MIER1: variants seen among roughly 807,000 people sequenced by gnomAD.
The protein encoded by MIER1 is mesoderm induction early response protein 1.
Under a neutral mutation model 75.7 loss-of-function variants are expected in MIER1, and 40 were observed. The observed-to-expected ratio is 0.53, with a 90% CI of 0.41 to 0.69. MIER1 has a LOEUF of 0.69. Ranked by LOEUF, MIER1 falls within the 30% of genes least tolerant of loss-of-function variation. The pLI, the probability that MIER1 is intolerant of heterozygous loss-of-function variation, is 0.00. For synonymous variants in MIER1, 213 were observed against 223.4 expected (o/e 0.95, Z 0.42); for missense variants, 574 against 680.2 (o/e 0.84, Z 1.74).
intron 8 of MIER1, 103 bp from the exon 9 acceptor site, chr1:66,970,705 A>T: frequency 1.3e-6 from 1 of 798,444 alleles, no homozygotes; most frequent in Non-Finnish European, 1.9e-6. Flanking sequence ...ACTGTACCTC[A>T]GTTCTCAACA....
intron 2 of MIER1, among the ~76,000 whole-genome samples, chr1:66,939,664 A>G (rs1373977109): frequency 6.6e-6 from 1 of 152,108 alleles, no homozygotes; most frequent in Non-Finnish European, 1.5e-5. Context: ...AACTTTGTTC[A>G]TAGTTCTGTG....
At chr1:66,966,545 A>G (rs1662448037) in intron 8 of MIER1, among the ~76,000 whole-genome samples, 1 of 152,220 alleles carries the variant, frequency 6.6e-6, no homozygotes, top group Admixed American at 6.5e-5. Context: ...CTTTGGGTAT[A>G]TGCCCAATAA....
At position 66,958,218 on chromosome 1, in the gene MIER1, AAAGT is replaced by A; in HGVS notation, c.501+3_501+6del. On this transcript the variant is annotated splice_donor_variant and coding_sequence_variant, in exon 5 of 14. Coordinates refer to ENST00000401041, the MANE Select transcript of MIER1 (RefSeq NM_001077700.3). LOFTEE classifies it high-confidence loss of function. ...CAACAGTGGCTGTAGTGGGGAAAAT[AAAGT>A]AAGTCTATATACATATATTTAAGAT... is the stretch of plus-strand genomic sequence containing the variant. 6.3e-7 allele frequency: 1 copy of A among 1,597,622 alleles called. No individual in the cohort carries two copies. The highest frequency in any genetic ancestry group is 8.6e-7 in the Non-Finnish European group (1 of 1,165,916).
At chr1:66,940,273 T>TC (rs199855171) in intron 3 of MIER1, 8,053 of 191,664 alleles carry the variant, frequency 0.042, 129 homozygotes, top group Non-Finnish European at 0.056. Context: ...GGGTTTTCTT[T>TC]TTTTTTTTTT....
chr1:66,963,190 A>G (rs1661603042), intron 8 of MIER1, 30 bp downstream of exon 8: 1 of 1,356,722 alleles, frequency 7.4e-7, no homozygotes, highest in South Asian at 1.2e-5. Context: ...ACGTAGCTGA[A>G]TTTATGCTTT....
intron 10 of MIER1, among the ~76,000 whole-genome samples, chr1:66,972,249 TATATATATATATAG>T (rs967502758): frequency 2.8e-4 from 26 of 93,008 alleles, no homozygotes; most frequent in Admixed American, 1.5e-3. Context: ...TATATATATA[TATATATATATATAG>T]ATATGTAACA....
intron 2 of MIER1, among the ~76,000 whole-genome samples, chr1:66,928,674 G>A (rs886070891): frequency 6.6e-6 from 1 of 152,110 alleles, no homozygotes; most frequent in African/African-American, 2.4e-5. Context: ...TTCAAGTCCA[G>A]AGGATTGACA....
chr1:66,946,815 T>G (rs1657758330), intron 4 of MIER1: 1 of 984,994 alleles, frequency 1.0e-6, no homozygotes, highest in Admixed American at 6.2e-5. Context: ...CTACCTTACT[T>G]TTTCTCAGCA....
At chr1:66,925,167 T>C (rs1651199965) in intron 1 of MIER1, 72 bp downstream of exon 1, 4 of 1,505,274 alleles carry the variant, frequency 2.7e-6, no homozygotes, top group Non-Finnish European at 2.7e-6. Flanking sequence ...TGAGGTGTCC[T>C]CAGTCCCCTT....
At chr1:66,966,159 A>G (rs1039075239) in intron 8 of MIER1, among the ~76,000 whole-genome samples, 3 of 152,018 alleles carry the variant, frequency 2.0e-5, no homozygotes, top group Non-Finnish European at 2.9e-5. Context: ...TACATTAGGT[A>G]TATCTCCTAA....
chr1:66,926,889 T>G (rs1651947729), intron 2 of MIER1, among the ~76,000 whole-genome samples: 1 of 152,188 alleles, frequency 6.6e-6, no homozygotes, highest in South Asian at 2.1e-4. Context: ...GAGAGGTACC[T>G]TTTTGGATTG....
chr1:66,926,921 GTA>G (rs370444062), intron 2 of MIER1, among the ~76,000 whole-genome samples: 1 of 151,704 alleles, frequency 6.6e-6, no homozygotes. Context: ...GGTTTATATA[GTA>G]TATATATATA....
chr1:66,942,627 G>T (rs182699785), intron 3 of MIER1, among the ~76,000 whole-genome samples: 101 of 152,112 alleles, frequency 6.6e-4, no homozygotes, highest in Non-Finnish European at 1.2e-3. Flanking sequence ...CAGCCTAATG[G>T]TGGGTCTAGC....
rs1667065407 is a variant in MIER1, at chr1:66,988,578, A to G, written c.*3678A>G. 1 of 152,104 alleles carries G rather than the reference A, an allele frequency of 6.6e-6. No homozygotes were observed. The highest frequency in any genetic ancestry group is 6.5e-5 in the Admixed American group (1 of 15,282). The allele number at this position is 152,104 out of a possible 1,614,324, so 9.4% of individuals were successfully genotyped here. On this transcript the variant is annotated 3_prime_UTR_variant, in exon 14 of 14. Coordinates refer to ENST00000401041, the MANE Select transcript of MIER1 (RefSeq NM_001077700.3). ...AATTTGTCTTTAGTTAGTATAAAGAATTATAGAATGTATAATGTAATTAAA... is the reference window on the plus strand; with the variant it reads ...AATTTGTCTTTAGTTAGTATAAAGAGTTATAGAATGTATAATGTAATTAAA...
intron 4 of MIER1, chr1:66,947,561 T>C (rs1657945772): frequency 6.6e-6 from 1 of 152,230 alleles, no homozygotes; most frequent in South Asian, 2.1e-4. Context: ...GATCCATTGC[T>C]GCCTAGATTA....
intron 13 of MIER1, 86 bp downstream of exon 13, chr1:66,982,004 T>C (rs181105130): frequency 5.8e-5 from 83 of 1,427,800 alleles, no homozygotes; most frequent in African/African-American, 5.5e-4. Flanking sequence ...TGGGTTTCTA[T>C]TAAACTTCCA....
At chr1:66,925,453 TG>T (rs1446733405) in intron 1 of MIER1, 2 of 985,460 alleles carry the variant, frequency 2.0e-6, no homozygotes, top group African/African-American at 3.5e-5. Flanking sequence ...ACCACCCTGC[TG>T]TGGCTCCGCC....
At chr1:66,979,308 G>A (rs1665427833) in intron 12 of MIER1, among the ~76,000 whole-genome samples, 1 of 152,102 alleles carries the variant, frequency 6.6e-6, no homozygotes, top group Non-Finnish European at 1.5e-5. Flanking sequence ...AAGCTAATGT[G>A]TTTAGAGAGA....
chr1:66,944,146 C>A (rs961347376), intron 3 of MIER1, among the ~76,000 whole-genome samples: 2 of 151,962 alleles, frequency 1.3e-5, no homozygotes, highest in Non-Finnish European at 2.9e-5. Context: ...TTGTGAGTAA[C>A]TGAAGAACCC....
Sources: allele counts gnomAD v4.1 joint callset (sites outside exome capture counted in the v4.1 genomes callset), GRCh38; gene constraint gnomAD v4.1.1; transcripts MANE v1.5; gene names NCBI Gene and HGNC (gene_info 2026-07-23, HGNC 2026-07-21).